The following ADAMTS3 variants were observed in gnomAD, a reference collection of about 807,000 sequenced individuals.
The protein encoded by ADAMTS3 is A disintegrin and metalloproteinase with thrombospondin motifs 3.
A neutral mutation model predicts 129.0 loss-of-function variants in ADAMTS3; 73 were observed. The observed-to-expected ratio is 0.57, with a 90% CI of 0.47 to 0.69. The LOEUF is 0.69. Among genes scored for constraint, ADAMTS3 ranks in the 30% least tolerant of loss-of-function variants. ADAMTS3 has a pLI of 0.00. For missense variants in ADAMTS3, 1,457 were observed against 1,514.5 expected (o/e 0.96, Z 0.63); for synonymous variants, 477 against 510.8 (o/e 0.93, Z 0.89).
chr4:72,424,683 A>G (rs1035972244), intron 3 of ADAMTS3, among the ~76,000 whole-genome samples: 3 of 106,886 alleles, frequency 2.8e-5, no homozygotes, highest in East Asian at 4.9e-4. Context: ...TGTTTGTTAC[A>G]TGAGAGTCTT....
At chr4:72,417,584 A>G (rs1275738324) in intron 3 of ADAMTS3, among the ~76,000 whole-genome samples, 1 of 152,132 alleles carries the variant, frequency 6.6e-6, no homozygotes, top group East Asian at 1.9e-4. Flanking sequence ...TGGACCCAAA[A>G]TCTGAAAGTC....
chr4:72,467,315 C>A (rs989051010), intron 3 of ADAMTS3, among the ~76,000 whole-genome samples: 7 of 152,062 alleles, frequency 4.6e-5, no homozygotes, highest in African/African-American at 1.7e-4. Flanking sequence ...TACTCTACAG[C>A]CTTGTCTCAG....
chr4:72,451,628 G>A (rs2109970796), intron 3 of ADAMTS3, among the ~76,000 whole-genome samples: 1 of 151,784 alleles, frequency 6.6e-6, no homozygotes, highest in African/African-American at 2.4e-5. Flanking sequence ...GGGGAAAAAA[G>A]TTTGTTACAC....
intron 2 of ADAMTS3, among the ~76,000 whole-genome samples, chr4:72,552,280 G>A (rs373193437): frequency 1.2e-4 from 18 of 152,248 alleles, no homozygotes; most frequent in African/African-American, 4.3e-4. Flanking sequence ...TTAACTGGAG[G>A]TTAGTAATAG....
At chr4:72,309,670 AGTTTTTT>A (rs1560466951) in intron 14 of ADAMTS3, 150 bp from the exon 15 acceptor site, 2 of 733,672 alleles carry the variant, frequency 2.7e-6, no homozygotes, top group Admixed American at 5.8e-5. Flanking sequence ...TTAATACCTC[AGTTTTTT>A]AAAAAAAATA....
chr4:72,475,464 A>G (rs997460967), intron 3 of ADAMTS3, among the ~76,000 whole-genome samples: 2 of 152,184 alleles, frequency 1.3e-5, no homozygotes, highest in South Asian at 2.1e-4. Flanking sequence ...AAGACACAGC[A>G]ATCTTAAATA....
intron 2 of ADAMTS3, among the ~76,000 whole-genome samples, chr4:72,558,254 C>G (rs1160213252): frequency 6.6e-6 from 1 of 151,806 alleles, no homozygotes; most frequent in Non-Finnish European, 1.5e-5. Flanking sequence ...TACTAGGTCA[C>G]TGAGCTAAAA....
intron 3 of ADAMTS3, among the ~76,000 whole-genome samples, chr4:72,454,863 G>C (rs1204536039): frequency 6.6e-6 from 1 of 151,530 alleles, no homozygotes; most frequent in Non-Finnish European, 1.5e-5. Flanking sequence ...TGAGGGAACT[G>C]GTTCTCATCA....
At chr4:72,517,219 G>A (rs906647725) in intron 3 of ADAMTS3, among the ~76,000 whole-genome samples, 2 of 152,140 alleles carry the variant, frequency 1.3e-5, no homozygotes, top group African/African-American at 4.8e-5. Context: ...TTTTTGATGT[G>A]CTGCTGGATT....
chr4:72,499,141 C>T (rs772869411), intron 3 of ADAMTS3, among the ~76,000 whole-genome samples: 23 of 152,116 alleles, frequency 1.5e-4, no homozygotes, highest in Non-Finnish European at 3.2e-4. Flanking sequence ...AATCACAGAT[C>T]TGGAATCTGA....
Position 72,318,582 on chromosome 4 carries a change from A to G in ADAMTS3, c.1475T>C (p.Met492Thr). 1 of 1,613,620 alleles carries G rather than the reference A, an allele frequency of 6.2e-7. No homozygotes were observed. Among genetic ancestry groups the G allele is most frequent in the Non-Finnish European group, 8.5e-7 (1 of 1,179,818 alleles). ...CTGTGAGCAACATACCGCGGTGCAC[A>G]TTTTATAGCCAACACCAAAATCAAA... ...CRFDFGVGYK[M>T]CTAFRTFDPC... Residue 492 changes from methionine (M) to threonine (T), a missense_variant, in exon 10 of 22, where the codon ATG becomes ACG. Coordinates refer to ENST00000286657, the MANE Select transcript of ADAMTS3 (RefSeq NM_014243.3).
At chr4:72,361,013 C>T (rs996305505) in intron 4 of ADAMTS3, among the ~76,000 whole-genome samples, 3 of 152,034 alleles carry the variant, frequency 2.0e-5, no homozygotes, top group Non-Finnish European at 2.9e-5. Flanking sequence ...GGAACTCTTT[C>T]GGGGTTATCG....
intron 4 of ADAMTS3, among the ~76,000 whole-genome samples, chr4:72,378,941 C>T (rs921044060): frequency 1.3e-5 from 2 of 152,018 alleles, no homozygotes; most frequent in African/African-American, 4.8e-5. Context: ...TATGACAGGT[C>T]GCAGTTCTCT....
chr4:72,463,698 CAA>C (rs3034505), intron 3 of ADAMTS3, among the ~76,000 whole-genome samples: 98,067 of 123,534 alleles, frequency 0.79, 39,559 homozygotes, highest in Middle Eastern at 0.93. Flanking sequence ...CTAAAACAGG[CAA>C]AAAAAAAAAA....
intron 4 of ADAMTS3, among the ~76,000 whole-genome samples, chr4:72,341,175 T>A (rs1720128033): frequency 6.6e-6 from 1 of 152,162 alleles, no homozygotes; most frequent in African/African-American, 2.4e-5. Context: ...GTAGTGAAAG[T>A]ACAGATCCTG....
In ADAMTS3 at chr4:72,548,865, A is replaced by G. The variant is rs554283016; in HGVS notation, c.117T>C (p.Tyr39=). The change falls in exon 3 of 22, where the codon TAT becomes TAC. Residue 39 remains tyrosine (Y), a synonymous_variant. Transcript: ENST00000286657. The part of the protein sequence containing the change: ...MVQIDLPIKR[Y]REYELVTPVS... Reference sequence around the variant, plus strand: ...CTGGAGTCACCAGCTCATACTCTCTATATCTCTTTATTGGTAAATCTGTGG... The same window carrying G: ...CTGGAGTCACCAGCTCATACTCTCTGTATCTCTTTATTGGTAAATCTGTGG... The G allele has an allele frequency of 1.2e-6, 2 of 1,609,338 alleles. No homozygotes were observed. The highest frequency in any genetic ancestry group is 3.3e-5 in the Admixed American group (2 of 59,928).
intron 4 of ADAMTS3, among the ~76,000 whole-genome samples, chr4:72,399,001 T>C (rs1721800711): frequency 6.6e-6 from 1 of 152,248 alleles, no homozygotes. Flanking sequence ...AGTACAGGCC[T>C]TCTTCTATGT....
At chr4:72,400,176 C>T (rs1270531554) in intron 4 of ADAMTS3, among the ~76,000 whole-genome samples, 1 of 141,960 alleles carries the variant, frequency 7.0e-6, no homozygotes, top group Non-Finnish European at 1.6e-5. Context: ...TATATATGCA[C>T]ACATGGTATG....
chr4:72,567,734 T>C (rs1722053718), intron 1 of ADAMTS3, among the ~76,000 whole-genome samples: 1 of 152,186 alleles, frequency 6.6e-6, no homozygotes, highest in Non-Finnish European at 1.5e-5. Context: ...CAGGCCAAAA[T>C]ACACCTAACA....
Sources: allele counts gnomAD v4.1 joint callset (sites outside exome capture counted in the v4.1 genomes callset), GRCh38; gene constraint gnomAD v4.1.1; transcripts MANE v1.5; gene names NCBI Gene and HGNC (gene_info 2026-07-23, HGNC 2026-07-21).